The following PCBP3 variants were observed in gnomAD, a reference collection of about 807,000 sequenced individuals.
PCBP3 encodes the protein poly(rC)-binding protein 3.
In PCBP3, 25 loss-of-function variants were observed where a neutral mutation model predicts 52.7. That is an observed-to-expected ratio of 0.47 (90% CI 0.35 to 0.66). The LOEUF (loss-of-function observed/expected upper bound fraction) is 0.66, where lower values mean the gene tolerates loss of function less well. PCBP3 is among the 30% of genes least tolerant of loss of function. PCBP3 has a pLI of 0.01. For missense variants in PCBP3, 391 were observed against 490.3 expected, an observed-to-expected ratio of 0.80 and a Z score of 1.91; for synonymous variants, 162 against 183.0, an observed-to-expected ratio of 0.89 and a Z score of 0.93.
intron 5 of PCBP3, among the ~76,000 whole-genome samples, chr21:45,878,439 A>G (rs1017807447): frequency 3.3e-5 from 5 of 152,244 alleles, no homozygotes; most frequent in African/African-American, 4.8e-5. Context: ...GAGTTTGAAA[A>G]GGGGATTTCA....
At chr21:45,773,118 A>G (rs1333830519) in intron 4 of PCBP3, among the ~76,000 whole-genome samples, 1 of 152,030 alleles carries the variant, frequency 6.6e-6, no homozygotes, top group African/African-American at 2.4e-5. Flanking sequence ...TTTGTTGCCT[A>G]TGCTTTTGCG....
intron 2 of PCBP3, among the ~76,000 whole-genome samples, chr21:45,682,801 A>G (rs562349856): frequency 5.9e-5 from 9 of 152,318 alleles, no homozygotes; most frequent in African/African-American, 1.7e-4. Context: ...CATGCCAATT[A>G]TACAGCCAAA....
intron 5 of PCBP3, among the ~76,000 whole-genome samples, chr21:45,878,243 T>G (rs1198858151): frequency 1.3e-5 from 2 of 152,232 alleles, no homozygotes; most frequent in African/African-American, 4.8e-5. Context: ...TCTCAGAGAA[T>G]GAAGGGGCCC....
intron 5 of PCBP3, among the ~76,000 whole-genome samples, chr21:45,883,605 T>C (rs1426262139): frequency 6.6e-6 from 1 of 152,270 alleles, no homozygotes; most frequent in Non-Finnish European, 1.5e-5. Flanking sequence ...CTATTGCTTA[T>C]TTAGACTCTT....
At chr21:45,797,245 A>G (rs2091965735) in intron 4 of PCBP3, among the ~76,000 whole-genome samples, 1 of 95,518 alleles carries the variant, frequency 1.0e-5, no homozygotes, top group Non-Finnish European at 2.2e-5. Flanking sequence ...GAATGTGTGC[A>G]TGGATGGATG....
chr21:45,726,868 G>A (rs1335824461), intron 2 of PCBP3, among the ~76,000 whole-genome samples: 1 of 152,044 alleles, frequency 6.6e-6, no homozygotes, highest in African/African-American at 2.4e-5. Context: ...TTAAAAACTG[G>A]GTTGTTTATT....
At chr21:45,900,382 G>A (rs976951590) in intron 7 of PCBP3, among the ~76,000 whole-genome samples, 1 of 152,180 alleles carries the variant, frequency 6.6e-6, no homozygotes, top group Non-Finnish European at 1.5e-5. Context: ...GCATTCCTGG[G>A]CCTCAGTTTC....
chr21:45,899,272 G>A (rs1231697993), intron 6 of PCBP3, among the ~76,000 whole-genome samples: 2 of 152,138 alleles, frequency 1.3e-5, no homozygotes, highest in East Asian at 3.9e-4. Flanking sequence ...TTTCCTGGTA[G>A]CCTGAGTGCA....
rs78023920 is a variant in PCBP3 at position 45,880,720 on chromosome 21, G to T, written c.11-15488G>T. On this transcript the variant is annotated intron_variant, in intron 5 of 17. Coordinates refer to ENST00000681687, the MANE Select transcript of PCBP3 (RefSeq NM_001384156.1). This position sits in a 1 kb window ranked among gnomAD's most constrained non-coding sequence, Gnocchi z 5.4. ...ACTGCAGCAGGGCCAGGAGAGACGG[G>T]GTTGTAGGTACAGCCTGGTAGGCAA... Among the ~76,000 whole-genome samples, 3 of 152,256 alleles carry T rather than the reference G, an allele frequency of 2.0e-5. No individual in the cohort carries two copies. Among genetic ancestry groups the T allele is most frequent in the African/African-American group, 7.2e-5 (3 of 41,538 alleles).
At chr21:45,923,087 C>G (rs912699288) in intron 13 of PCBP3, among the ~76,000 whole-genome samples, 1 of 152,248 alleles carries the variant, frequency 6.6e-6, no homozygotes, top group African/African-American at 2.4e-5. Flanking sequence ...ACGCATTTCC[C>G]CTGGACACAT....
chr21:45,816,831 T>C (rs2092979347), intron 4 of PCBP3, among the ~76,000 whole-genome samples: 1 of 151,822 alleles, frequency 6.6e-6, no homozygotes, highest in Non-Finnish European at 1.5e-5. Context: ...CACCATCGTT[T>C]ATTATCATCG....
intron 5 of PCBP3, among the ~76,000 whole-genome samples, chr21:45,864,598 T>C (rs1314129228): frequency 1.3e-5 from 2 of 152,146 alleles, no homozygotes; most frequent in East Asian, 1.9e-4. Context: ...TAGAGAGGGT[T>C]TGCAGTGTCT....
chr21:45,924,160 T>C lies in PCBP3; in HGVS notation c.718-5757T>C, dbSNP rs71324460. On this transcript the variant is annotated intron_variant, in intron 13 of 17. Transcript: ENST00000681687. Reference sequence around the variant, plus strand: ...AAGGTCGGGTGTGCACGAGGAGATGTGAACACTGGGAACAGTCGCGTGGGT... The same window carrying C: ...AAGGTCGGGTGTGCACGAGGAGATGCGAACACTGGGAACAGTCGCGTGGGT... Among the ~76,000 whole-genome samples the C allele has an allele frequency of 3.8e-3, 172 of 44,746 alleles. 20 individuals are homozygous for C. Among genetic ancestry groups the C allele is most frequent in the African/African-American group, 8.4e-3 (56 of 6,682 alleles). The allele number at this position is 44,746 out of a possible 152,430, so 29.4% of individuals were successfully genotyped here.
chr21:45,818,898 A>G (rs2093045205), intron 4 of PCBP3, among the ~76,000 whole-genome samples: 1 of 152,262 alleles, frequency 6.6e-6, no homozygotes, highest in African/African-American at 2.4e-5. Context: ...TTAGTGAAAG[A>G]GGCCAGCCTG....
rs1385748248 is a variant in PCBP3 at position 45,735,896 on chromosome 21, TG to T, written c.-162+470del. Among the ~76,000 whole-genome samples the T allele has an allele frequency of 1.3e-5, 2 of 152,346 alleles. No individual in the cohort carries two copies. Among genetic ancestry groups the T allele is most frequent in the African/African-American group, 4.8e-5 (2 of 41,590 alleles). On this transcript the variant is annotated intron_variant, in intron 3 of 17. Coordinates refer to ENST00000681687, the MANE Select transcript of PCBP3 (RefSeq NM_001384156.1). The surrounding 1 kb of genome is among the most constrained non-coding windows in gnomAD (Gnocchi z 4.0). ...ACAATGTCTGAAGCCACACAGTGCA[TG>T]GGTGACATCTGTGGAAAGGACCTGG...
At chr21:45,765,813 T>C (rs879588665) in intron 4 of PCBP3, among the ~76,000 whole-genome samples, 2 of 152,206 alleles carry the variant, frequency 1.3e-5, no homozygotes. Flanking sequence ...AAACAAGTCA[T>C]TCCTCCTGAA....
intron 4 of PCBP3, among the ~76,000 whole-genome samples, chr21:45,818,919 A>G (rs533864239): frequency 6.6e-6 from 1 of 152,386 alleles, no homozygotes; most frequent in Admixed American, 6.5e-5. Context: ...AAAAGGCTGC[A>G]TGCTATACGA....
At chr21:45,916,834 A>T (rs1021037777) in intron 12 of PCBP3, 4 of 152,302 alleles carry the variant, frequency 2.6e-5, no homozygotes, top group African/African-American at 9.7e-5. Context: ...TTGTCTGGCC[A>T]TGAGTTTCTG....
At chr21:45,789,220 G>A (rs1412687039) in intron 4 of PCBP3, among the ~76,000 whole-genome samples, 1 of 152,252 alleles carries the variant, frequency 6.6e-6, no homozygotes, top group East Asian at 1.9e-4. Flanking sequence ...AAATGTGCAT[G>A]CATGTTTGTG....
Sources: allele counts gnomAD v4.1 joint callset (sites outside exome capture counted in the v4.1 genomes callset), GRCh38; gene constraint gnomAD v4.1.1; non-coding constraint Gnocchi (gnomAD v3.1); transcripts MANE v1.5; gene names NCBI Gene and HGNC (gene_info 2026-07-23, HGNC 2026-07-21).